The following NUP98 variants were observed in gnomAD, a reference collection of about 807,000 sequenced individuals.
The protein encoded by NUP98 is nuclear pore complex protein Nup98-Nup96.
In NUP98, 26 loss-of-function variants were observed where a neutral mutation model predicts 191.9. That is an observed-to-expected ratio of 0.14 (90% CI 0.10 to 0.19). The LOEUF (loss-of-function observed/expected upper bound fraction) is 0.19. Among genes scored for constraint, NUP98 ranks in the 10% least tolerant of loss-of-function variants. NUP98 has a pLI of 1.00. For synonymous variants in NUP98, 808 were observed against 778.4 expected (o/e 1.04, Z -0.63); for missense variants, 1,941 against 2,178.8 (o/e 0.89, Z 2.17).
At chr11:3,712,457 T>G (rs1334855215) in intron 20 of NUP98, 107 bp downstream of exon 20, 4 of 1,530,252 alleles carry the variant, frequency 2.6e-6, no homozygotes, top group Non-Finnish European at 3.5e-6. Context: ...ATGTTTGTAC[T>G]CTTCAAAGTT....
chr11:3,756,093 C>G (rs2080950284), intron 10 of NUP98, among the ~76,000 whole-genome samples: 1 of 152,166 alleles, frequency 6.6e-6, no homozygotes, highest in Non-Finnish European at 1.5e-5. Context: ...GGGGTGCTGC[C>G]TACTCAAGCA....
intron 1 of NUP98, among the ~76,000 whole-genome samples, chr11:3,791,175 G>T (rs139504148): frequency 2.0e-5 from 3 of 152,022 alleles, no homozygotes; most frequent in Non-Finnish European, 4.4e-5. Flanking sequence ...GATTACAGGC[G>T]TGAGCCACTG....
chr11:3,676,311 T>C lies in NUP98; in HGVS notation c.5251A>G (p.Thr1751Ala), dbSNP rs748872656. 6.2e-7 allele frequency: 1 copy of C among 1,614,016 alleles called. No homozygotes were observed. Among genetic ancestry groups the C allele is most frequent in the Admixed American group, 1.7e-5 (1 of 60,014 alleles). Residue 1751 changes from threonine to alanine, a missense_variant, in exon 33 of 33, where the codon ACC becomes GCC. Physicochemically the swap from Thr to Ala is moderately conservative, Grantham distance 58. Coordinates refer to ENST00000324932, the MANE Select transcript of NUP98 (RefSeq NM_016320.5). ...VLSLHHPPDRTSDSTPDPQRV... is the reference protein window; with the variant it reads ...VLSLHHPPDRASDSTPDPQRV... Reference sequence around the variant, plus strand: ...TGAGGGTCTGGTGTTGAGTCGGAGGTTCTATCAGGAGGATGATGCAGACTC... The same window carrying C: ...TGAGGGTCTGGTGTTGAGTCGGAGGCTCTATCAGGAGGATGATGCAGACTC...
chr11:3,733,342 G>A (rs937254268), intron 13 of NUP98, among the ~76,000 whole-genome samples: 4 of 151,966 alleles, frequency 2.6e-5, no homozygotes, highest in African/African-American at 7.3e-5. Context: ...ACGGAGTTTC[G>A]CTCTTGTCAT....
intron 7 of NUP98, among the ~76,000 whole-genome samples, chr11:3,770,452 T>G (rs530743243): frequency 1.3e-5 from 2 of 152,056 alleles, no homozygotes; most frequent in South Asian, 4.2e-4. Flanking sequence ...CACTCCAGCA[T>G]GAGTGACGGG....
chr11:3,688,829 A>ATATT (rs1287948397), intron 28 of NUP98, among the ~76,000 whole-genome samples: 4 of 146,784 alleles, frequency 2.7e-5, no homozygotes, highest in African/African-American at 9.9e-5. Flanking sequence ...ACATATATAT[A>ATATT]TATATATATA....
rs1048814053 is a variant in NUP98, at chr11:3,797,531, G to T, written c.-160C>A. On this transcript the variant is annotated 5_prime_UTR_variant, in exon 1 of 33. Coordinates refer to ENST00000324932, the MANE Select transcript of NUP98 (RefSeq NM_016320.5). Reference sequence around the variant, plus strand: ...CCTGCCACCGACCGCCGCTTCGGGCGCAGCGCGCAGAGGGCCCGACTGCGT... The same window carrying T: ...CCTGCCACCGACCGCCGCTTCGGGCTCAGCGCGCAGAGGGCCCGACTGCGT... 2 of 440,766 alleles carry T rather than the reference G, an allele frequency of 4.5e-6. No individual in the cohort carries two copies. Among genetic ancestry groups the T allele is most frequent in the African/African-American group, 4.1e-5 (2 of 48,740 alleles). The allele number at this position is 440,766 out of a possible 1,614,324, so 27.3% of individuals were successfully genotyped here.
intron 13 of NUP98, 132 bp from the exon 14 acceptor site, chr11:3,731,710 T>C: frequency 1.8e-6 from 1 of 550,188 alleles, no homozygotes. Flanking sequence ...AAGTCTCTGT[T>C]CCCATAAAAC....
intron 4 of NUP98, 119 bp from the exon 5 acceptor site, chr11:3,776,140 G>A: frequency 2.0e-6 from 1 of 494,964 alleles, no homozygotes; most frequent in Admixed American, 4.0e-5. Context: ...TTTTTTTTTT[G>A]AGACAGGGTC....
In NUP98 at chr11:3,740,179, G is replaced by T. The variant is rs532385066; in HGVS notation, c.1408+4330C>A. 3.9e-5 allele frequency among the ~76,000 whole-genome samples: 6 copies of T among 152,212 alleles called. No homozygotes were observed. The East Asian group carries it at 1.2e-3, about 29-fold the overall frequency. ...CTAGGGACTTCAGAATACCAGGTTTGATGAAGTAGAATTGAAAACAGGAAG... is the reference window on the plus strand; with the variant it reads ...CTAGGGACTTCAGAATACCAGGTTTTATGAAGTAGAATTGAAAACAGGAAG... On this transcript the variant is annotated intron_variant, in intron 12 of 32. Transcript: ENST00000324932.
chr11:3,776,385 A>G (rs898849911), intron 4 of NUP98, among the ~76,000 whole-genome samples: 5 of 152,082 alleles, frequency 3.3e-5, no homozygotes, highest in Non-Finnish European at 5.9e-5. Flanking sequence ...TCGAAATCCT[A>G]AAGTGTTGGG....
At chr11:3,724,792 A>G (rs2079552263) in intron 15 of NUP98, among the ~76,000 whole-genome samples, 1 of 150,714 alleles carries the variant, frequency 6.6e-6, no homozygotes, top group East Asian at 1.9e-4. Context: ...AAAAAAAAAA[A>G]GAAAGAAAAT....
intron 14 of NUP98, among the ~76,000 whole-genome samples, chr11:3,727,414 A>T (rs2079661579): frequency 6.6e-6 from 1 of 152,180 alleles, no homozygotes. Context: ...TCCTACAAGC[A>T]AGAAAGTTAC....
chr11:3,713,946 G>A lies in NUP98; in HGVS notation c.2449C>T (p.Arg817Cys), dbSNP rs759505682. 3 of 1,614,004 alleles carry A rather than the reference G, an allele frequency of 1.9e-6. No homozygotes were observed. Among genetic ancestry groups the A allele is most frequent in the East Asian group, 2.2e-5 (1 of 44,876 alleles). Residue 817 changes from arginine (R) to cysteine (C), a missense_variant, in exon 19 of 33, where the codon CGT becomes TGT. This residue lies in a region of NUP98 where 95 missense variants were observed against 139.7 expected (regional missense o/e 0.68). Transcript: ENST00000324932. ...DGVWPTDKTS[R>C]CLIKSPDRLA... ...CGATCTGGGCTCTTTATTAAACAACGAGATGTTTTATCTGTTGGCCAAACT... is the reference window on the plus strand; with the variant it reads ...CGATCTGGGCTCTTTATTAAACAACAAGATGTTTTATCTGTTGGCCAAACT...
intron 25 of NUP98, 101 bp from the exon 26 acceptor site, chr11:3,695,707 A>G: frequency 3.6e-6 from 3 of 831,890 alleles, no homozygotes; most frequent in Non-Finnish European, 5.1e-6. Flanking sequence ...TTCAGAAGGG[A>G]GGATTTAACA....
At chr11:3,778,198 C>CAAAA (rs71302029) in intron 4 of NUP98, among the ~76,000 whole-genome samples, 221 of 57,868 alleles carry the variant, frequency 3.8e-3, no homozygotes, top group East Asian at 5.6e-3. Context: ...GACTCCATCT[C>CAAAA]AAAAAAAAAA....
At position 3,779,069 on chromosome 11, in the gene NUP98, G is replaced by A. The variant is rs374360758; in HGVS notation, c.179-20C>T. 6.8e-5 allele frequency: 110 copies of A among 1,613,764 alleles called. No homozygotes were observed. The South Asian group carries it at 1.1e-3, about 15-fold the overall frequency. On this transcript the variant is annotated intron_variant, in intron 3 of 32. Coordinates refer to ENST00000324932, the MANE Select transcript of NUP98 (RefSeq NM_016320.5). ...ATCCTCCTGAGGAGATGGAGAAGGA[G>A]GGAAAAAGTTAAGTACATCAGAGCC...
At chr11:3,788,218 A>C (rs904849994) in intron 1 of NUP98, among the ~76,000 whole-genome samples, 2 of 152,208 alleles carry the variant, frequency 1.3e-5, no homozygotes, top group East Asian at 3.8e-4. Context: ...TCCTAATAGC[A>C]CTGAGCAGCA....
chr11:3,776,615 G>C (rs1328536006), intron 4 of NUP98, among the ~76,000 whole-genome samples: 1 of 151,554 alleles, frequency 6.6e-6, no homozygotes, highest in African/African-American at 2.4e-5. Flanking sequence ...CTCCTGAGTA[G>C]CTGGGACTAC....
Sources: allele counts gnomAD v4.1 joint callset (sites outside exome capture counted in the v4.1 genomes callset), GRCh38; gene constraint gnomAD v4.1.1; regional missense constraint gnomAD v4.1.1; transcripts MANE v1.5; gene names NCBI Gene and HGNC (gene_info 2026-07-23, HGNC 2026-07-21).